COL6A5: variants seen among roughly 807,000 people sequenced by gnomAD.
COL6A5 encodes the protein collagen alpha-5(VI) chain.
In COL6A5, 48 loss-of-function variants were observed where a neutral mutation model predicts 65.6. The observed-to-expected ratio is 0.73, with a 90% CI of 0.58 to 0.93. The LOEUF is 0.93. Ranked by LOEUF, COL6A5 falls within the 40% of genes least tolerant of loss-of-function variation. The pLI, the probability that COL6A5 is intolerant of heterozygous loss-of-function variation, is 0.00. For missense variants in COL6A5, 914 were observed against 928.3 expected (o/e 0.98, Z 0.20); for synonymous variants, 291 against 322.8 (o/e 0.90, Z 1.05).
exon 6 of COL6A5, chr3:130,469,114 G>T: frequency 6.2e-7 from 1 of 1,613,024 alleles, no homozygotes; most frequent in South Asian, 1.1e-5. Context: ...TACACCAAAT[G>T]AAACATCATC....
intron 22 of COL6A5, 58 bp downstream of exon 22, chr3:130,414,189 G>A: frequency 7.8e-7 from 1 of 1,277,326 alleles, no homozygotes. Flanking sequence ...CTGATGGGAA[G>A]AAGGCAGGTA....
chr3:130,481,825 G>A (rs1283014328), intron 7 of COL6A5, among the ~76,000 whole-genome samples: 1 of 151,922 alleles, frequency 6.6e-6, no homozygotes, highest in East Asian at 1.9e-4. Context: ...TCATTTGTTT[G>A]TTGGCTGCAT....
intron 10 of COL6A5, among the ~76,000 whole-genome samples, chr3:130,400,520 A>G (rs1450737264): frequency 2.6e-5 from 4 of 152,194 alleles, no homozygotes; most frequent in African/African-American, 9.7e-5. Context: ...AATGAACTGG[A>G]TGTGGTCAGG....
chr3:130,433,114 C>T (rs765559343), intron 1 of COL6A5, among the ~76,000 whole-genome samples: 2 of 152,026 alleles, frequency 1.3e-5, no homozygotes, highest in African/African-American at 2.4e-5. Context: ...CACATCCAAG[C>T]GTTTTTTGGA....
At chr3:130,393,368 G>A (rs1046536049) in intron 7 of COL6A5, among the ~76,000 whole-genome samples, 1 of 151,956 alleles carries the variant, frequency 6.6e-6, no homozygotes, top group African/African-American at 2.4e-5. Flanking sequence ...CTGACCCCGT[G>A]TCCCCACTGT....
intron 4 of COL6A5, among the ~76,000 whole-genome samples, chr3:130,447,051 G>A (rs1351766809): frequency 6.6e-6 from 1 of 152,162 alleles, no homozygotes; most frequent in Non-Finnish European, 1.5e-5. Context: ...CCTGAGGATT[G>A]TAAGCGATTC....
At chr3:130,405,064 G>A (rs13318158) in intron 13 of COL6A5, among the ~76,000 whole-genome samples, 15,400 of 152,254 alleles carry the variant, frequency 0.1, 1,612 homozygotes, top group East Asian at 0.33. Context: ...ACCCCTGCAC[G>A]GATAGTCTGA....
At chr3:130,373,110 C>CTTTTTT (rs1935627236) in intron 1 of COL6A5, among the ~76,000 whole-genome samples, 1 of 152,106 alleles carries the variant, frequency 6.6e-6, no homozygotes, top group Non-Finnish European at 1.5e-5. Flanking sequence ...TAGCTGTTGG[C>CTTTTTT]TTTTTAAGCC....
chr3:130,379,577 T>G, exon 4 of COL6A5: 1 of 1,551,464 alleles, frequency 6.4e-7, no homozygotes, highest in Non-Finnish European at 8.7e-7. Flanking sequence ...CGACTTGGAC[T>G]GATGAGTTAC....
chr3:130,397,812 A>C (rs1270163189), exon 9 of COL6A5: 2 of 1,551,690 alleles, frequency 1.3e-6, no homozygotes, highest in Non-Finnish European at 1.7e-6. Flanking sequence ...ATCAGAAAGC[A>C]GTGTTTGACA....
intron 7 of COL6A5, among the ~76,000 whole-genome samples, chr3:130,476,610 C>T (rs1388138168): frequency 2.6e-5 from 4 of 151,992 alleles, no homozygotes; most frequent in Non-Finnish European, 5.9e-5. Context: ...TTTTTTGAAG[C>T]TCTCAGGTGA....
exon 23 of COL6A5, chr3:130,415,686 C>T: frequency 5.8e-6 from 9 of 1,548,230 alleles, no homozygotes; most frequent in Middle Eastern, 1.7e-4. Context: ...AAAAAGGAAG[C>T]CAGGGGCAGA....
At chr3:130,473,315 G>T (rs1177024124) in intron 7 of COL6A5, among the ~76,000 whole-genome samples, 1 of 151,980 alleles carries the variant, frequency 6.6e-6, no homozygotes, top group South Asian at 2.1e-4. Flanking sequence ...TTTATGCTGA[G>T]GGCAAGCCTA....
At chr3:130,399,230 C>T (rs548292712) in intron 10 of COL6A5, among the ~76,000 whole-genome samples, 22 of 152,190 alleles carry the variant, frequency 1.4e-4, no homozygotes, top group Non-Finnish European at 2.2e-4. Context: ...TTTTATTGCT[C>T]AGTTGTGTCT....
At chr3:130,479,260 T>C (rs1710175348) in intron 7 of COL6A5, among the ~76,000 whole-genome samples, 1 of 149,760 alleles carries the variant, frequency 6.7e-6, no homozygotes. Context: ...AGCAGGTCCC[T>C]CACTAGATGC....
intron 27 of COL6A5, 112 bp downstream of exon 27, chr3:130,421,472 A>AACTGTCCTTG: frequency 2.0e-6 from 2 of 1,012,678 alleles, no homozygotes; most frequent in Non-Finnish European, 3.0e-6. Flanking sequence ...AACCAAGGAC[A>AACTGTCCTTG]GTTGTTTTCC....
chr3:130,457,440 T>C (rs1056288885), intron 5 of COL6A5, among the ~76,000 whole-genome samples: 1 of 152,066 alleles, frequency 6.6e-6, no homozygotes. Context: ...AGAAAGACTT[T>C]TCATTGATTT....
At chr3:130,356,743 A>G (rs1437516421) in intron 1 of COL6A5, among the ~76,000 whole-genome samples, 2 of 152,220 alleles carry the variant, frequency 1.3e-5, no homozygotes, top group African/African-American at 4.8e-5. Flanking sequence ...TTGATTTTCA[A>G]TTGAAGAAAT....
At chr3:130,397,867 C>T in exon 9 of COL6A5, 1 of 1,551,680 alleles carries the variant, frequency 6.4e-7, no homozygotes, top group Non-Finnish European at 8.7e-7. Flanking sequence ...TCTGAACGCA[C>T]AGTTCTTGCG....
Sources: gnomAD v4.1 joint callset for allele counts (sites outside exome capture counted in the v4.1 genomes callset) on GRCh38, gnomAD v4.1.1 for gene constraint, MANE v1.5 for transcripts, NCBI Gene and HGNC (gene_info 2026-07-23, HGNC 2026-07-21) for gene names.